HYDIN: variants seen among roughly 807,000 people sequenced by gnomAD.
The protein encoded by HYDIN is HYDIN axonemal central pair apparatus protein.
A neutral mutation model predicts 403.9 loss-of-function variants in HYDIN; 132 were observed. That is an observed-to-expected ratio of 0.33 (90% CI 0.28 to 0.38). The LOEUF (loss-of-function observed/expected upper bound fraction) is 0.38, where lower values mean the gene tolerates loss of function less well. Among genes scored for constraint, HYDIN ranks in the 10% least tolerant of loss-of-function variants. HYDIN has a pLI of 1.00. For missense variants in HYDIN, 2,827 were observed against 5,009.5 expected, an observed-to-expected ratio of 0.56 and a Z score of 13.15; for synonymous variants, 1,202 against 1,891.7, an observed-to-expected ratio of 0.64 and a Z score of 9.46.
intron 30 of HYDIN, among the ~76,000 whole-genome samples, chr16:70,977,488 C>A (rs12103040): frequency 2.0e-5 from 3 of 150,556 alleles, no homozygotes; most frequent in African/African-American, 4.9e-5. Flanking sequence ...CAGCCTTCTG[C>A]AAAACAAATA....
intron 84 of HYDIN, among the ~76,000 whole-genome samples, chr16:70,810,565 C>T (rs576445655): frequency 6.6e-6 from 1 of 152,300 alleles, no homozygotes; most frequent in Non-Finnish European, 1.5e-5. Flanking sequence ...GGTGCGGTGG[C>T]TCATGCCTGT....
intron 13 of HYDIN, among the ~76,000 whole-genome samples, chr16:71,074,012 C>T (rs111310621): frequency 2.6e-5 from 4 of 152,220 alleles, no homozygotes; most frequent in South Asian, 2.1e-4. Context: ...TCCAACAGTC[C>T]CTGATGCAAA....
chr16:70,920,731 C>A lies in HYDIN; in HGVS notation c.7645G>T (p.Glu2549Ter). 1.3e-6 allele frequency: 2 copies of A among 1,580,460 alleles called. No homozygotes were observed. The highest frequency in any genetic ancestry group is 1.7e-6 in the Non-Finnish European group (2 of 1,162,392). ...LRALEERSDWEGEGEEDHEGK... is the reference protein window; with the variant it reads ...LRALEERSDW Reference sequence around the variant, plus strand: ...TCGTGGTCCTCCTCCCCTTCCCCCTCCCAGTCGCTCCGCTCCTCCAGGGCT... The same window carrying A: ...TCGTGGTCCTCCTCCCCTTCCCCCTACCAGTCGCTCCGCTCCTCCAGGGCT... Residue 2549 changes from glutamate (E) to a stop codon, truncating the protein, a stop_gained, in exon 46 of 86, where the codon GAG becomes TAG. Transcript: ENST00000393567. LOFTEE classifies it high-confidence loss of function.
At chr16:71,171,543 G>C (rs1414690907) in intron 5 of HYDIN, among the ~76,000 whole-genome samples, 1 of 152,002 alleles carries the variant, frequency 6.6e-6, no homozygotes, top group African/African-American at 2.4e-5. Context: ...TCTTTTCTGG[G>C]TACTACACTA....
At chr16:71,151,014 T>C (rs1158941557) in intron 7 of HYDIN, among the ~76,000 whole-genome samples, 2 of 152,176 alleles carry the variant, frequency 1.3e-5, no homozygotes, top group South Asian at 2.1e-4. Flanking sequence ...ACACCACTAG[T>C]ATGTCTAAAA....
At chr16:70,990,394 CAAAAAAAAAAAAAAAAAAA>C (rs72381537) in intron 25 of HYDIN, among the ~76,000 whole-genome samples, 25 of 8,692 alleles carry the variant, frequency 2.9e-3, no homozygotes, top group South Asian at 0.028. Context: ...GACTCTGCCT[CAAAAAAAAAAAAAAAAAAA>C]AAAAAAAAAA....
chr16:70,880,997 G>A lies in HYDIN; in HGVS notation c.10216-1241C>T, dbSNP rs547433296. Among the ~76,000 whole-genome samples, 25 of 148,744 alleles carry A rather than the reference G, an allele frequency of 1.7e-4. No homozygotes were observed. In the East Asian group the frequency reaches 2.2e-3, roughly 13 times the overall value. On this transcript the variant is annotated intron_variant, in intron 60 of 85. Coordinates refer to ENST00000393567, the MANE Select transcript of HYDIN (RefSeq NM_001270974.2). ...TCCTAGCACTTTGGGAGGCTGAGGC[G>A]GGAGGATCGCTTGAGCCCAGGAGTT...
chr16:71,220,904 T>C (rs886879935), intron 1 of HYDIN, among the ~76,000 whole-genome samples: 1 of 152,226 alleles, frequency 6.6e-6, no homozygotes, highest in African/African-American at 2.4e-5. Flanking sequence ...CTGGCTAAAA[T>C]ATTTTTTCAG....
Position 70,907,053 on chromosome 16 carries a change from T to C in HYDIN, c.8516+319A>G, listed in dbSNP as rs1249695472. On this transcript the variant is annotated intron_variant, in intron 50 of 85. Coordinates refer to ENST00000393567, the MANE Select transcript of HYDIN (RefSeq NM_001270974.2). Reference sequence around the variant, plus strand: ...CTTTGAGAACCAAAGCTGTATAACCTATTCTCTGCTTCATGTAACTACAGA... The same window carrying C: ...CTTTGAGAACCAAAGCTGTATAACCCATTCTCTGCTTCATGTAACTACAGA... Among the ~76,000 whole-genome samples the C allele has an allele frequency of 4.6e-5, 7 of 151,984 alleles. No homozygotes were observed. The South Asian group carries it at 1.2e-3, about 27-fold the overall frequency.
In HYDIN at chr16:71,093,783, G is replaced by T. The variant is rs753158981; in HGVS notation, c.1446+34C>A. On this transcript the variant is annotated intron_variant, in intron 11 of 85. Coordinates refer to ENST00000393567, the MANE Select transcript of HYDIN (RefSeq NM_001270974.2). ...AAACAAACCCCAAAAGCCAAGTACT[G>T]TTTGAAGTATCAACGAACAACTCTA... The T allele has an allele frequency of 1.1e-5, 17 of 1,604,652 alleles. No homozygotes were observed. In the South Asian group the frequency reaches 1.7e-4, roughly 16 times the overall value.
Position 71,076,788 on chromosome 16 carries a change from T to C in HYDIN, c.1738+3097A>G, listed in dbSNP as rs201953652. Among the ~76,000 whole-genome samples, 9 of 13,674 alleles carry C rather than the reference T, an allele frequency of 6.6e-4. No homozygotes were observed. The African/African-American group carries it at 6.7e-3, about 10-fold the overall frequency. The allele number at this position is 13,674 out of a possible 152,430, so 9.0% of individuals were successfully genotyped here. ...GAAGGTTCATGTATTCTGATTTTAA[T>C]ACTTTGCCTATTATTTATGTTGCAA... On this transcript the variant is annotated intron_variant, in intron 13 of 85. Transcript: ENST00000393567.
chr16:71,151,029 CA>C (rs1257059463), intron 7 of HYDIN, among the ~76,000 whole-genome samples: 1 of 152,128 alleles, frequency 6.6e-6, no homozygotes, highest in Non-Finnish European at 1.5e-5. Context: ...CTAAAATTGA[CA>C]AAACAGCACT....
rs1567410208 is a variant in HYDIN at position 71,175,673 on chromosome 16, A to T, written c.450T>A (p.Ile150=). 6.2e-7 allele frequency: 1 copy of T among 1,614,136 alleles called. No individual in the cohort carries two copies. The highest frequency in any genetic ancestry group is 2.2e-5 in the East Asian group (1 of 44,882). The change falls in exon 5 of 86, where the codon ATT becomes ATA. Residue 150 remains isoleucine, a synonymous_variant. Transcript: ENST00000393567. ...PYFKVISPKD[I]GHKVAPGVPS... is the part of the protein sequence containing the mutation. The stretch of plus-strand genomic sequence containing the variant: ...GCACTCCAGGAGCCACTTTGTGGCC[A>T]ATATCTTTGGGGCTGATTACTTTAA...
chr16:70,810,173 C>G (rs2035381544), intron 84 of HYDIN, among the ~76,000 whole-genome samples, 166 bp from the exon 85 acceptor site: 1 of 152,182 alleles, frequency 6.6e-6, no homozygotes, highest in African/African-American at 2.4e-5. Flanking sequence ...CCCTCTCTCC[C>G]CTGTACCTCT....
chr16:70,819,033 C>T (rs2036047720), intron 83 of HYDIN, among the ~76,000 whole-genome samples: 1 of 143,172 alleles, frequency 7.0e-6, no homozygotes, highest in Non-Finnish European at 1.5e-5. Flanking sequence ...CCTGCATCAG[C>T]CTCACAAGTA....
chr16:70,881,784 A>G (rs1457683100), intron 60 of HYDIN, among the ~76,000 whole-genome samples: 1 of 152,184 alleles, frequency 6.6e-6, no homozygotes, highest in African/African-American at 2.4e-5. Flanking sequence ...CCTCCCCACC[A>G]CCCTCAACTG....
intron 19 of HYDIN, among the ~76,000 whole-genome samples, chr16:71,030,464 A>C (rs1232752061): frequency 7.0e-6 from 1 of 143,176 alleles, no homozygotes; most frequent in Non-Finnish European, 1.5e-5. Context: ...ACAGGGTCTC[A>C]CTCTGTCACC....
intron 36 of HYDIN, among the ~76,000 whole-genome samples, chr16:70,968,566 C>T (rs1245948648): frequency 1.3e-5 from 2 of 152,154 alleles, no homozygotes; most frequent in African/African-American, 4.8e-5. Flanking sequence ...ATGAAGAGCT[C>T]CTCCTACTGT....
chr16:70,970,770 T>A lies in HYDIN; in HGVS notation c.5380-11A>T. 3 of 1,593,932 alleles carry A rather than the reference T, an allele frequency of 1.9e-6. No homozygotes were observed. The highest frequency in any genetic ancestry group is 2.6e-6 in the Non-Finnish European group (3 of 1,166,952). ...TTGGCTGTAGAATTTCTGGAAAACA[T>A]AAAAACAAAACAAGCATCTGAGTTT... On this transcript the variant is annotated splice_polypyrimidine_tract_variant and intron_variant, in intron 35 of 85. Transcript: ENST00000393567.
Sources: allele counts gnomAD v4.1 joint callset (sites outside exome capture counted in the v4.1 genomes callset), GRCh38; gene constraint gnomAD v4.1.1; transcripts MANE v1.5; gene names NCBI Gene and HGNC (gene_info 2026-07-23, HGNC 2026-07-21).